Variants in ALS2 observed in about 807,000 individuals in gnomAD.
ALS2 encodes alsin.
A neutral mutation model predicts 203.4 loss-of-function variants in ALS2; 117 were observed. The ratio of observed to expected loss-of-function variants is 0.58; its 90% confidence interval spans 0.50 to 0.67. The LOEUF (loss-of-function observed/expected upper bound fraction) is 0.67. Ranked by LOEUF, ALS2 falls within the 30% of genes least tolerant of loss-of-function variation. The probability of loss-of-function intolerance (pLI) is 0.00; values close to 1 mark genes in which losing one functional copy is unlikely to be tolerated. For missense variants in ALS2, 1,715 were observed against 1,989.4 expected (o/e 0.86, Z 2.62); for synonymous variants, 718 against 725.9 (o/e 0.99, Z 0.17).
chr2:201,743,930 G>C (rs1039026474), intron 10 of ALS2, among the ~76,000 whole-genome samples: 2 of 152,188 alleles, frequency 1.3e-5, no homozygotes, highest in African/African-American at 2.4e-5. Flanking sequence ...CCAGCAGGGG[G>C]AGAAGTGTTG....
intron 33 of ALS2, among the ~76,000 whole-genome samples, chr2:201,703,887 A>G (rs1255892159): frequency 6.6e-6 from 1 of 152,182 alleles, no homozygotes; most frequent in Non-Finnish European, 1.5e-5. Context: ...AGTTTGATCA[A>G]TTTACAAGGA....
At chr2:201,722,833 T>C in intron 23 of ALS2, 1 of 567,788 alleles carries the variant, frequency 1.8e-6, no homozygotes, top group South Asian at 2.2e-5. Context: ...TGGAAGTCAC[T>C]GAATGAGCAG....
chr2:201,771,740 G>GT (rs1694391825), intron 1 of ALS2, among the ~76,000 whole-genome samples: 1 of 152,124 alleles, frequency 6.6e-6, no homozygotes, highest in South Asian at 2.1e-4. Context: ...AACATTTTAA[G>GT]TTTTTATAAA....
At chr2:201,740,873 G>A (rs1172202155) in intron 11 of ALS2, among the ~76,000 whole-genome samples, 5 of 152,052 alleles carry the variant, frequency 3.3e-5, no homozygotes, top group Non-Finnish European at 4.4e-5. Context: ...AACAAAACAC[G>A]AACTCCCTGA....
At chr2:201,750,852 C>CTT (rs550778369) in intron 7 of ALS2, among the ~76,000 whole-genome samples, 8 of 137,504 alleles carry the variant, frequency 5.8e-5, no homozygotes, top group African/African-American at 8.0e-5. Flanking sequence ...TTTCCAATTC[C>CTT]TTTTTTTTTT....
chr2:201,778,195 C>T (rs967746536), intron 1 of ALS2, among the ~76,000 whole-genome samples: 1 of 152,034 alleles, frequency 6.6e-6, no homozygotes, highest in African/African-American at 2.4e-5. Context: ...TGTGTGATGA[C>T]TCAAAAGAAA....
In ALS2 at chr2:201,768,869, C is replaced by T; in HGVS notation, c.17G>A (p.Arg6Lys). 1 of 1,613,436 alleles carries T rather than the reference C, an allele frequency of 6.2e-7. No homozygotes were observed. The highest frequency in any genetic ancestry group is 1.1e-5 in the South Asian group (1 of 91,036). The change falls in exon 2 of 34, where the codon AGA (arginine) becomes AAA (lysine). Residue 6 changes from arginine (R) to lysine (K), a missense_variant. Physicochemically the swap from Arg to Lys is conservative, Grantham distance 26. Transcript: ENST00000264276. ...GAAAAGGAAGAAATGATTTTACCTT[C>T]TCTTCTTTGAGTCCATCGGTCAGTG... MDSKKRSSTEAEGSKE... is the reference protein window; with the variant it reads MDSKKKSSTEAEGSKE...
chr2:201,778,087 GAAA>G (rs202227331), intron 1 of ALS2, among the ~76,000 whole-genome samples: 1 of 151,304 alleles, frequency 6.6e-6, no homozygotes, highest in African/African-American at 2.4e-5. Flanking sequence ...GGCTGTGGAA[GAAA>G]AAAAAATCCT....
At chr2:201,729,901 A>AAAC (rs1559054047) in intron 13 of ALS2, among the ~76,000 whole-genome samples, 39 of 150,874 alleles carry the variant, frequency 2.6e-4, no homozygotes, top group African/African-American at 9.3e-4. Flanking sequence ...AAAAAAAAAA[A>AAAC]AACAACTTTT....
intron 20 of ALS2, among the ~76,000 whole-genome samples, chr2:201,724,965 T>A (rs1691059731): frequency 6.6e-6 from 1 of 151,762 alleles, no homozygotes; most frequent in African/African-American, 2.4e-5. Flanking sequence ...TACAAAAAAT[T>A]AGCCGGGTGT....
intron 2 of ALS2, 78 bp from the exon 3 acceptor site, chr2:201,767,461 T>A: frequency 1.3e-6 from 2 of 1,516,354 alleles, no homozygotes; most frequent in Non-Finnish European, 9.0e-7. Context: ...TTTTCATGAT[T>A]GTACCTTTTA....
At chr2:201,720,706 A>G (rs1172138293) in intron 23 of ALS2, among the ~76,000 whole-genome samples, 1 of 148,222 alleles carries the variant, frequency 6.7e-6, no homozygotes, top group East Asian at 2.0e-4. Flanking sequence ...AGAGTGAGAC[A>G]CTATCTCAAC....
In ALS2 at chr2:201,727,697, G is replaced by A. The variant is rs528131651; in HGVS notation, c.2912+8C>T. The A allele has an allele frequency of 5.2e-5, 80 of 1,550,680 alleles. No individual in the cohort carries two copies. The highest frequency in any genetic ancestry group is 5.0e-4 in the South Asian group (42 of 84,022). ...ACGGGGTGGGGTGGGGAGGGGGGAC[G>A]CACTTACACACCACCAGCTTCTTCA... On this transcript the variant is annotated splice_region_variant and intron_variant, in intron 16 of 33. Transcript: ENST00000264276.
chr2:201,759,760 A>G (rs1228990806), intron 4 of ALS2: 4 of 985,152 alleles, frequency 4.1e-6, no homozygotes, highest in South Asian at 4.7e-5. Context: ...AGAGTAAACA[A>G]TAAGAATTGA....
At chr2:201,748,366 C>T (rs1168316587) in intron 8 of ALS2, among the ~76,000 whole-genome samples, 1 of 152,170 alleles carries the variant, frequency 6.6e-6, no homozygotes, top group Middle Eastern at 3.2e-3. Flanking sequence ...AGTCTCAAAA[C>T]TAACTCAAAT....
chr2:201,715,050 C>T (rs905852935), intron 25 of ALS2, among the ~76,000 whole-genome samples: 1 of 152,164 alleles, frequency 6.6e-6, no homozygotes, highest in Non-Finnish European at 1.5e-5. Flanking sequence ...GGGGCTTGGC[C>T]TTCCCTTGAG....
At chr2:201,727,080 G>T in intron 17 of ALS2, 132 bp downstream of exon 17, 2 of 992,204 alleles carry the variant, frequency 2.0e-6, no homozygotes, top group East Asian at 2.5e-5. Flanking sequence ...TACAGTTTTG[G>T]GTTAATGAAG....
At chr2:201,714,665 T>G (rs565047852) in intron 25 of ALS2, among the ~76,000 whole-genome samples, 6 of 152,370 alleles carry the variant, frequency 3.9e-5, no homozygotes, top group Admixed American at 1.3e-4. Context: ...TTTAGTCTCC[T>G]GTGGGCCATG....
intron 13 of ALS2, among the ~76,000 whole-genome samples, chr2:201,732,971 T>C (rs1691667039): frequency 1.3e-5 from 2 of 152,190 alleles, no homozygotes; most frequent in Admixed American, 1.3e-4. Context: ...TCAGCATGCA[T>C]CCAATAAATT....
Sources: allele counts gnomAD v4.1 joint callset (sites outside exome capture counted in the v4.1 genomes callset), GRCh38; gene constraint gnomAD v4.1.1; transcripts MANE v1.5; gene names NCBI Gene and HGNC (gene_info 2026-07-23, HGNC 2026-07-21).